The following HORMAD2 variants were observed in gnomAD, a reference collection of about 807,000 sequenced individuals.
HORMAD2 encodes HORMA domain containing 2, also known as HORMA domain-containing protein 2.
A neutral mutation model predicts 38.8 loss-of-function variants in HORMAD2; 45 were observed. The observed-to-expected ratio is 1.16, with a 90% CI of 0.91 to 1.49. HORMAD2 has a LOEUF of 1.49. Among genes scored for constraint, HORMAD2 ranks in the 40% most tolerant of loss-of-function variants. The pLI is 0.00. For missense variants in HORMAD2, 338 were observed against 367.0 expected (o/e 0.92, Z 0.65); for synonymous variants, 126 against 122.8 (o/e 1.03, Z -0.17).
rs181877060 is a variant in HORMAD2, at chr22:30,168,343, C to T, written c.820-7720C>T. Among the ~76,000 whole-genome samples, 14 of 152,262 alleles carry T rather than the reference C, an allele frequency of 9.2e-5. No individual in the cohort carries two copies. The East Asian group carries it at 1.3e-3, about 15-fold the overall frequency. ...CTGTATCCATTTTACCTCATTCCTT[C>T]GGACCTCAGAAGAAGTAATATCCTT... On this transcript the variant is annotated intron_variant, in intron 10 of 10. Coordinates refer to ENST00000336726, the MANE Select transcript of HORMAD2 (RefSeq NM_152510.4).
chr22:30,157,800 T>G (rs1001197501), intron 10 of HORMAD2, among the ~76,000 whole-genome samples: 6 of 152,200 alleles, frequency 3.9e-5, no homozygotes, highest in Admixed American at 6.5e-5. Flanking sequence ...AGATCCCTTA[T>G]ACTTCTCATA....
intron 8 of HORMAD2, among the ~76,000 whole-genome samples, chr22:30,121,168 C>T (rs1366413325): frequency 3.3e-5 from 5 of 152,230 alleles, no homozygotes; most frequent in South Asian, 2.1e-4. Flanking sequence ...GATACTTTTG[C>T]GAGATAATCA....
chr22:30,197,830 G>A, the HORMAD2 span, among the ~76,000 whole-genome samples: 3 of 152,000 alleles, frequency 2.0e-5, no homozygotes, highest in Admixed American at 1.3e-4. Flanking sequence ...TTAGTCTAAG[G>A]TTGAATTCCC....
At chr22:30,191,299 G>C in the HORMAD2 span, among the ~76,000 whole-genome samples, 2 of 152,128 alleles carry the variant, frequency 1.3e-5, no homozygotes, top group African/African-American at 2.4e-5. Context: ...TTTATAATGA[G>C]ACATTTTGCA....
At position 30,129,249 on chromosome 22, in the gene HORMAD2, AAAAAAAAG is replaced by A. The variant is rs1485263730; in HGVS notation, c.819+7037_819+7044del. Among the ~76,000 whole-genome samples, 27 of 44,068 alleles carry A rather than the reference AAAAAAAAG, an allele frequency of 6.1e-4. 2 individuals carry two copies. Among genetic ancestry groups the A allele is most frequent in the African/African-American group, 8.1e-4 (6 of 7,444 alleles). 28.9% of individuals were successfully genotyped at this position (44,068 alleles called of 152,430 possible). A position where few individuals can be genotyped will look rare whatever the true frequency, so the allele number is the denominator to read the frequency against. On this transcript the variant is annotated intron_variant, in intron 10 of 10. Coordinates refer to ENST00000336726, the MANE Select transcript of HORMAD2 (RefSeq NM_152510.4). ...AAAAAAAAAAAAAAAAAAAAAAAAA[AAAAAAAAG>A]AGAGAGAGAGAATAAATAATGCCCT...
At chr22:30,081,745 T>G (rs985778396) in intron 1 of HORMAD2, among the ~76,000 whole-genome samples, 4 of 151,714 alleles carry the variant, frequency 2.6e-5, no homozygotes, top group Admixed American at 1.3e-4. Context: ...CCAGCTAAAT[T>G]TTTTTATTTT....
At chr22:30,113,664 T>G (rs1456447923) in intron 7 of HORMAD2, among the ~76,000 whole-genome samples, 3 of 152,136 alleles carry the variant, frequency 2.0e-5, no homozygotes, top group African/African-American at 7.2e-5. Flanking sequence ...CTCTTCTCAC[T>G]TTACTCTCTT....
chr22:30,082,795 C>CAAA (rs200117496), intron 1 of HORMAD2, among the ~76,000 whole-genome samples: 2 of 86,364 alleles, frequency 2.3e-5, no homozygotes, highest in African/African-American at 8.2e-5. Context: ...TACTCTGTCT[C>CAAA]AAAAAAAAAA....
chr22:30,136,072 G>T (rs1305696038), intron 10 of HORMAD2, among the ~76,000 whole-genome samples: 1 of 152,126 alleles, frequency 6.6e-6, no homozygotes, highest in Non-Finnish European at 1.5e-5. Flanking sequence ...ACACAAAAAT[G>T]TATGCAAATG....
At chr22:30,093,121 T>A (rs2068721010) in intron 1 of HORMAD2, among the ~76,000 whole-genome samples, 1 of 152,212 alleles carries the variant, frequency 6.6e-6, no homozygotes, top group Admixed American at 6.5e-5. Flanking sequence ...TTCTAATCAA[T>A]GAATACGGGA....
chr22:30,128,287 T>C (rs1462795998), intron 10 of HORMAD2, among the ~76,000 whole-genome samples: 1 of 152,212 alleles, frequency 6.6e-6, no homozygotes, highest in Non-Finnish European at 1.5e-5. Flanking sequence ...ATACTGTTTT[T>C]ATTTTTATAT....
At chr22:30,135,574 G>T (rs1446358250) in intron 10 of HORMAD2, among the ~76,000 whole-genome samples, 1 of 152,066 alleles carries the variant, frequency 6.6e-6, no homozygotes, top group Non-Finnish European at 1.5e-5. Flanking sequence ...TTTCAGGTGT[G>T]GGTCAAAACT....
chr22:30,141,407 G>A (rs1265579805), intron 10 of HORMAD2, among the ~76,000 whole-genome samples: 1 of 152,048 alleles, frequency 6.6e-6, no homozygotes, highest in Non-Finnish European at 1.5e-5. Context: ...AACAGGTGGT[G>A]TTTGGTTACA....
At chr22:30,114,287 A>G (rs1169189009) in intron 7 of HORMAD2, among the ~76,000 whole-genome samples, 2 of 152,158 alleles carry the variant, frequency 1.3e-5, no homozygotes, top group Admixed American at 1.3e-4. Context: ...CTACGTGTTC[A>G]TGGTATACTT....
At chr22:30,129,323 C>T (rs1454197402) in intron 10 of HORMAD2, among the ~76,000 whole-genome samples, 2 of 148,774 alleles carry the variant, frequency 1.3e-5, no homozygotes, top group Non-Finnish European at 3.0e-5. Flanking sequence ...TAAGATATAG[C>T]CTGTGCCCTT....
chr22:30,172,176 C>A (rs1926149935), intron 10 of HORMAD2, among the ~76,000 whole-genome samples: 1 of 151,954 alleles, frequency 6.6e-6, no homozygotes. Flanking sequence ...TGGACTTTGT[C>A]CTAAAAACAA....
intron 1 of HORMAD2, among the ~76,000 whole-genome samples, chr22:30,093,109 T>A (rs757855462): frequency 4.6e-5 from 7 of 152,184 alleles, no homozygotes; most frequent in Non-Finnish European, 8.8e-5. Context: ...CAATATTAAT[T>A]CTTCTAATCA....
chr22:30,180,188 G>A (rs1033615049), downstream of HORMAD2, among the ~76,000 whole-genome samples: 2 of 152,024 alleles, frequency 1.3e-5, no homozygotes, highest in African/African-American at 4.8e-5. Context: ...GCATGCCCAG[G>A]CTCATTAAAC....
At chr22:30,188,569 A>T in the HORMAD2 span, among the ~76,000 whole-genome samples, 1 of 152,214 alleles carries the variant, frequency 6.6e-6, no homozygotes, top group African/African-American at 2.4e-5. Context: ...TTTCCACAAT[A>T]AGTATCTTCT....
Sources: gnomAD v4.1 joint callset for allele counts (sites outside exome capture counted in the v4.1 genomes callset) on GRCh38, gnomAD v4.1.1 for gene constraint, MANE v1.5 for transcripts, NCBI Gene and HGNC (gene_info 2026-07-23, HGNC 2026-07-21) for gene names.